Variants in GALNTL6 observed in about 807,000 individuals in gnomAD.
The protein encoded by GALNTL6 is polypeptide N-acetylgalactosaminyltransferase-like 6.
Under a neutral mutation model 73.7 loss-of-function variants are expected in GALNTL6, and 46 were observed. The ratio of observed to expected loss-of-function variants is 0.62; its 90% CI spans 0.49 to 0.80. The LOEUF is 0.80. Among genes scored for constraint, GALNTL6 ranks in the 30% least tolerant of loss-of-function variants. The probability of loss-of-function intolerance (pLI) is 0.00; values close to 1 mark genes in which losing one functional copy is unlikely to be tolerated. For missense variants in GALNTL6, 604 were observed against 755.0 expected (o/e 0.80, Z 2.34); for synonymous variants, 259 against 263.7 (o/e 0.98, Z 0.17).
chr4:172,292,024 C>A (rs1328862621), intron 3 of GALNTL6, among the ~76,000 whole-genome samples: 1 of 152,044 alleles, frequency 6.6e-6, no homozygotes, highest in Admixed American at 6.6e-5. Flanking sequence ...TGTTCAAGTT[C>A]AACACTCACT....
At chr4:172,359,782 G>A (rs1228478451) in intron 5 of GALNTL6, among the ~76,000 whole-genome samples, 1 of 152,010 alleles carries the variant, frequency 6.6e-6, no homozygotes, top group Admixed American at 6.6e-5. Context: ...GCACCAATCA[G>A]CCTATCCATC....
At chr4:172,826,647 G>A (rs576309232) in intron 7 of GALNTL6, among the ~76,000 whole-genome samples, 12 of 152,328 alleles carry the variant, frequency 7.9e-5, no homozygotes, top group African/African-American at 2.2e-4. Flanking sequence ...GGGATGGGGG[G>A]AACGGGACAT....
At chr4:172,731,080 CAA>C (rs71592094) in intron 5 of GALNTL6, among the ~76,000 whole-genome samples, 109 of 113,024 alleles carry the variant, frequency 9.6e-4, no homozygotes, top group Middle Eastern at 4.6e-3. Context: ...ACTCCATCTC[CAA>C]AAAAAAAAAA....
intron 5 of GALNTL6, among the ~76,000 whole-genome samples, chr4:172,768,322 G>C (rs1466086334): frequency 1.3e-5 from 2 of 152,156 alleles, no homozygotes; most frequent in African/African-American, 4.8e-5. Context: ...AATACATAGA[G>C]TAGGTAAAGT....
intron 8 of GALNTL6, among the ~76,000 whole-genome samples, chr4:172,903,306 G>T (rs1746722509): frequency 6.6e-6 from 1 of 152,110 alleles, no homozygotes; most frequent in South Asian, 2.1e-4. Flanking sequence ...CCGATTTACT[G>T]CAGGGATTTT....
chr4:172,554,084 C>T (rs939623762), intron 5 of GALNTL6, among the ~76,000 whole-genome samples: 1 of 152,138 alleles, frequency 6.6e-6, no homozygotes, highest in African/African-American at 2.4e-5. Flanking sequence ...TGATTCTTGC[C>T]TTGGCCTTGT....
At chr4:172,537,796 G>C (rs896464779) in intron 5 of GALNTL6, among the ~76,000 whole-genome samples, 1 of 152,130 alleles carries the variant, frequency 6.6e-6, no homozygotes, top group African/African-American at 2.4e-5. Flanking sequence ...GGAAATCAAA[G>C]TATATAAATC....
chr4:172,107,387 GTAA>G (rs1732704528), intron 2 of GALNTL6, among the ~76,000 whole-genome samples: 1 of 152,000 alleles, frequency 6.6e-6, no homozygotes, highest in South Asian at 2.1e-4. Context: ...AAAATTAGTA[GTAA>G]TGTTTAAAAA....
At chr4:172,719,665 A>G (rs571674643) in intron 5 of GALNTL6, among the ~76,000 whole-genome samples, 6 of 152,286 alleles carry the variant, frequency 3.9e-5, no homozygotes, top group South Asian at 2.1e-4. Context: ...TATGTAATCT[A>G]TGATTACTAC....
chr4:172,423,245 G>C (rs552832130), intron 5 of GALNTL6, among the ~76,000 whole-genome samples: 1 of 152,064 alleles, frequency 6.6e-6, no homozygotes, highest in African/African-American at 2.4e-5. Flanking sequence ...TAGCCAAAGT[G>C]GTTCTTTAAA....
chr4:172,945,286 T>A (rs1749111406), intron 9 of GALNTL6, among the ~76,000 whole-genome samples: 2 of 151,998 alleles, frequency 1.3e-5, no homozygotes. Flanking sequence ...AGAAAGGAGA[T>A]CGGGAAAGGG....
chr4:172,322,013 G>C (rs542790251), intron 4 of GALNTL6, among the ~76,000 whole-genome samples: 45 of 152,266 alleles, frequency 3.0e-4, no homozygotes, highest in African/African-American at 1.0e-3. Flanking sequence ...ACTGGTATAT[G>C]ACCCTCTAGG....
At chr4:172,238,556 T>C (rs1379877968) in intron 3 of GALNTL6, among the ~76,000 whole-genome samples, 2 of 150,884 alleles carry the variant, frequency 1.3e-5, no homozygotes, top group Non-Finnish European at 3.0e-5. Context: ...GAGGAATAGT[T>C]TGACTTCCTC....
chr4:171,903,579 C>T (rs1456692290), intron 2 of GALNTL6, among the ~76,000 whole-genome samples: 2 of 141,212 alleles, frequency 1.4e-5, no homozygotes, highest in South Asian at 2.3e-4. Context: ...GGGCGCCCGC[C>T]ATTGTCCAGG....
chr4:172,985,671 T>A (rs1224897523), intron 10 of GALNTL6, among the ~76,000 whole-genome samples: 1 of 152,104 alleles, frequency 6.6e-6, no homozygotes, highest in East Asian at 1.9e-4. Flanking sequence ...TGCTGAATGG[T>A]AGGGTGGGAA....
intron 2 of GALNTL6, among the ~76,000 whole-genome samples, chr4:172,167,814 C>T (rs1462895723): frequency 6.8e-6 from 1 of 147,234 alleles, no homozygotes; most frequent in Non-Finnish European, 1.5e-5. Context: ...AAAAAATTAG[C>T]CGGGCGCGGT....
intron 2 of GALNTL6, among the ~76,000 whole-genome samples, chr4:172,217,487 A>G (rs1038653147): frequency 6.6e-6 from 1 of 152,192 alleles, no homozygotes; most frequent in Non-Finnish European, 1.5e-5. Context: ...TAGCTTAAGG[A>G]AGTTCCTATT....
At chr4:172,459,163 C>G (rs955677482) in intron 5 of GALNTL6, among the ~76,000 whole-genome samples, 22 of 152,048 alleles carry the variant, frequency 1.4e-4, no homozygotes, top group African/African-American at 5.1e-4. Flanking sequence ...AAATTCAACA[C>G]CCCTTCATGC....
At chr4:172,978,527 G>A (rs752056960) in intron 10 of GALNTL6, among the ~76,000 whole-genome samples, 50 of 152,228 alleles carry the variant, frequency 3.3e-4, no homozygotes, top group Middle Eastern at 6.8e-3. Flanking sequence ...GTTGAAATGC[G>A]TTGTTCTTCA....
Sources: allele counts gnomAD v4.1 joint callset (sites outside exome capture counted in the v4.1 genomes callset), GRCh38; gene constraint gnomAD v4.1.1; transcripts MANE v1.5; gene names NCBI Gene and HGNC (gene_info 2026-07-23, HGNC 2026-07-21).